The following SWSAP1 variants were observed in gnomAD, a reference collection of about 807,000 sequenced individuals.
SWSAP1 encodes ATPase SWSAP1.
Under a neutral mutation model 5.6 loss-of-function variants are expected in SWSAP1, and 4 were observed. The observed-to-expected ratio is 0.72, with a 90% CI of 0.35 to 1.64. SWSAP1 has a LOEUF of 1.64. Ranked by LOEUF, SWSAP1 falls within the 40% of genes most tolerant of loss-of-function variation. The probability of loss-of-function intolerance (pLI) is 0.05; values close to 1 mark genes in which losing one functional copy is unlikely to be tolerated. For missense variants in SWSAP1, 354 were observed against 319.8 expected, an observed-to-expected ratio of 1.11 and a Z score of -0.82; for synonymous variants, 139 against 143.3, an observed-to-expected ratio of 0.97 and a Z score of 0.22.
Position 11,374,673 on chromosome 19 carries a change from C to G in SWSAP1, c.-8C>G, listed in dbSNP as rs1458045298. On this transcript the variant is annotated 5_prime_UTR_variant, in exon 1 of 2. Transcript: ENST00000674460. ...ACGAGCCACCGATTGGTCAGAGCTA[C>G]GCGGCGAATGGCGGAGACGCTGAGG... 1 of 1,505,618 alleles carries G rather than the reference C, an allele frequency of 6.6e-7. No individual in the cohort carries two copies. The allele number at this position is 1,505,618 out of a possible 1,614,324, so 93.3% of individuals were successfully genotyped here.
At position 11,376,082 on chromosome 19, in the gene SWSAP1, A is replaced by G. The variant is rs1968276848; in HGVS notation, c.*66A>G. The G allele has an allele frequency of 7.2e-7, 1 of 1,392,760 alleles. No individual in the cohort carries two copies. Among genetic ancestry groups the G allele is most frequent in the South Asian group, 1.4e-5 (1 of 70,592 alleles). 86.3% of individuals were successfully genotyped at this position (1,392,760 alleles called of 1,614,324 possible). ...TGGCTGGAATACTTACCTCAGGGAC[A>G]TATGCAGATCCAAAGACCTAAACAA... On this transcript the variant is annotated 3_prime_UTR_variant, in exon 2 of 2. Coordinates refer to ENST00000674460, the MANE Select transcript of SWSAP1 (RefSeq NM_175871.4).
At chr19:11,375,378 G>T in intron 1 of SWSAP1, 135 bp from the exon 2 acceptor site, 1 of 1,441,938 alleles carries the variant, frequency 6.9e-7, no homozygotes, top group Admixed American at 2.3e-5. Flanking sequence ...AAAAACGGGC[G>T]AATATAAGAA....
Position 11,374,720 on chromosome 19 carries a change from G to A in SWSAP1, c.40G>A (p.Ala14Thr), listed in dbSNP as rs762751384. ...GAGGCGGGTGCTAACCAGGGGCGGT[G>A]CGGCCTGGTCCGGGGAGGAGAACAT... ...TLRRVLTRGG[A>T]AWSGEENMPA... Residue 14 changes from alanine (A) to threonine (T), a missense_variant, in exon 1 of 2, where the codon GCG becomes ACG. Physicochemically the swap from Ala to Thr is moderately conservative, Grantham distance 58. Coordinates refer to ENST00000674460, the MANE Select transcript of SWSAP1 (RefSeq NM_175871.4). 4.4e-6 allele frequency: 7 copies of A among 1,591,452 alleles called. No individual in the cohort carries two copies. Among genetic ancestry groups the A allele is most frequent in the East Asian group, 2.2e-5 (1 of 44,586 alleles).
chr19:11,375,868 G>C lies in SWSAP1; in HGVS notation c.605G>C (p.Arg202Pro). 5 of 1,614,132 alleles carry C rather than the reference G, an allele frequency of 3.1e-6. No homozygotes were observed. Among genetic ancestry groups the C allele is most frequent in the Non-Finnish European group, 4.2e-6 (5 of 1,180,010 alleles). Residue 202 changes from arginine to proline, a missense_variant, in exon 2 of 2, where the codon CGA becomes CCA. By Grantham distance (103) the Arg-to-Pro change is moderately radical. Coordinates refer to ENST00000674460, the MANE Select transcript of SWSAP1 (RefSeq NM_175871.4). ...DAPGPGEHGL[R>P]ACLEPGGLGP... ...CCAGGTCCAGGAGAGCACGGCCTCC[G>C]AGCCTGCCTGGAGCCAGGCGGGCTG...
intron 1 of SWSAP1, 74 bp from the exon 2 acceptor site, chr19:11,375,439 G>T: frequency 6.6e-7 from 1 of 1,525,940 alleles, no homozygotes; most frequent in Admixed American, 2.2e-5. Context: ...AAGTATGCAA[G>T]GAGGCAGGGT....
chr19:11,375,041 G>T (rs1195747782), intron 1 of SWSAP1, 112 bp downstream of exon 1: 1 of 1,411,072 alleles, frequency 7.1e-7, no homozygotes, highest in Non-Finnish European at 9.7e-7. Flanking sequence ...GCGAGCCAGG[G>T]CAGCCACGAT....
Position 11,375,722 on chromosome 19 carries a change from C to A in SWSAP1, c.459C>A (p.Gly153=). 2 of 1,614,224 alleles carry A rather than the reference C, an allele frequency of 1.2e-6. No individual in the cohort carries two copies. Among genetic ancestry groups the A allele is most frequent in the Non-Finnish European group, 1.7e-6 (2 of 1,180,042 alleles). Residue 153 remains glycine, a synonymous_variant, in exon 2 of 2, where the codon GGC becomes GGA. Coordinates refer to ENST00000674460, the MANE Select transcript of SWSAP1 (RefSeq NM_175871.4). ...AAHFSHRLGP[G]RDCGLMVALQ... Reference sequence around the variant, plus strand: ...ACTTCAGCCACCGGCTTGGGCCTGGCCGGGATTGTGGGCTCATGGTGGCCC... The same window carrying A: ...ACTTCAGCCACCGGCTTGGGCCTGGACGGGATTGTGGGCTCATGGTGGCCC...
At position 11,375,223 on chromosome 19, in the gene SWSAP1, G is replaced by T. The variant is rs534654683; in HGVS notation, c.250-290G>T. Among the ~76,000 whole-genome samples the T allele has an allele frequency of 2.6e-5, 4 of 152,288 alleles. No homozygotes were observed. In the South Asian group the frequency reaches 6.2e-4, roughly 24 times the overall value. ...CTTGGGTCCATTCTGGACCTGAGTT[G>T]GTTCCTGTTAGTGTCAAGGATGGGG... On this transcript the variant is annotated intron_variant, in intron 1 of 1. Coordinates refer to ENST00000674460, the MANE Select transcript of SWSAP1 (RefSeq NM_175871.4).
intron 1 of SWSAP1, 77 bp from the exon 2 acceptor site, chr19:11,375,436 C>A: frequency 6.6e-7 from 1 of 1,524,758 alleles, no homozygotes; most frequent in Non-Finnish European, 8.8e-7. Context: ...GGAAAGTATG[C>A]AAGGAGGCAG....
At position 11,374,718 on chromosome 19, in the gene SWSAP1, G is replaced by C; in HGVS notation, c.38G>C (p.Gly13Ala). ...ETLRRVLTRGGAAWSGEENMP... is the reference protein window; with the variant it reads ...ETLRRVLTRGAAAWSGEENMP... ...CTGAGGCGGGTGCTAACCAGGGGCG[G>C]TGCGGCCTGGTCCGGGGAGGAGAAC... Residue 13 changes from glycine (G) to alanine (A), a missense_variant, in exon 1 of 2, where the codon GGT (glycine) becomes GCT (alanine). Transcript: ENST00000674460. 1 of 1,590,312 alleles carries C rather than the reference G, an allele frequency of 6.3e-7. No homozygotes were observed. Among genetic ancestry groups the C allele is most frequent in the South Asian group, 1.1e-5 (1 of 89,908 alleles).
Position 11,375,842 on chromosome 19 carries a change from A to G in SWSAP1, c.579A>G (p.Ala193=), listed in dbSNP as rs1402118263. ...CCCAGTGCTGGCTGCAGCCAGATGC[A>G]CCAGGTCCAGGAGAGCACGGCCTCC... ...FPAQCWLQPD[A]PGPGEHGLRA... Residue 193 remains alanine, a synonymous_variant, in exon 2 of 2, where the codon GCA becomes GCG. Transcript: ENST00000674460. 6.2e-7 allele frequency: 1 copy of G among 1,614,040 alleles called. No homozygotes were observed.
intron 1 of SWSAP1, 100 bp downstream of exon 1, chr19:11,375,029 G>A: frequency 3.3e-6 from 5 of 1,498,046 alleles, no homozygotes; most frequent in Non-Finnish European, 4.5e-6. Flanking sequence ...GACGGTGGAA[G>A]AGCGAGCCAG....
chr19:11,374,992 G>A (rs1348114396), intron 1 of SWSAP1, 63 bp downstream of exon 1: 1 of 1,587,362 alleles, frequency 6.3e-7, no homozygotes, highest in Admixed American at 1.8e-5. Context: ...GGGATATTGA[G>A]TAACAGGTAG....
chr19:11,376,032 T>C lies in SWSAP1; in HGVS notation c.*16T>C. On this transcript the variant is annotated 3_prime_UTR_variant, in exon 2 of 2. Transcript: ENST00000674460. ...CCAGCCCTGAGCTTTGGTGGGTGAC[T>C]ACCTCTCTGTGCTTCAGTTTCCCAT... is the stretch of plus-strand genomic sequence containing the variant. 6.4e-7 allele frequency: 1 copy of C among 1,564,810 alleles called. No individual in the cohort carries two copies. The highest frequency in any genetic ancestry group is 1.2e-5 in the South Asian group (1 of 85,626).
rs1270982745 is a variant in SWSAP1, at chr19:11,374,783, C to G, written c.103C>G (p.Pro35Ala). The change falls in exon 1 of 2, where the codon CCA (proline) becomes GCA (alanine). Residue 35 changes from proline to alanine, a missense_variant. By Grantham distance (27) the Pro-to-Ala change is conservative. Transcript: ENST00000674460. ...AGPPLLLLGT[P>A]GSGKTALLFA... ...ACCGCCTTTGCTGCTGCTCGGTACA[C>G]CAGGATCTGGAAAAACAGCGCTGCT... is the stretch of plus-strand genomic sequence containing the variant. 6.2e-7 allele frequency: 1 copy of G among 1,613,668 alleles called. No individual in the cohort carries two copies. Among genetic ancestry groups the G allele is most frequent in the Admixed American group, 1.7e-5 (1 of 59,956 alleles).
intron 1 of SWSAP1, 69 bp from the exon 2 acceptor site, chr19:11,375,444 C>G: frequency 6.5e-7 from 1 of 1,529,018 alleles, no homozygotes; most frequent in Non-Finnish European, 8.8e-7. Flanking sequence ...TGCAAGGAGG[C>G]AGGGTTACTT....
In SWSAP1 at chr19:11,374,737, G is replaced by A. The variant is rs555355209; in HGVS notation, c.57G>A (p.Glu19=). ...GGGGCGGTGCGGCCTGGTCCGGGGAGGAGAACATGCCTGCCGCCGGACCGC... is the reference window on the plus strand; with the variant it reads ...GGGGCGGTGCGGCCTGGTCCGGGGAAGAGAACATGCCTGCCGCCGGACCGC... ...LTRGGAAWSG[E]ENMPAAGPPL... is the part of the protein sequence containing the mutation. The change falls in exon 1 of 2, where the codon GAG becomes GAA. Residue 19 remains glutamate, a synonymous_variant. Coordinates refer to ENST00000674460, the MANE Select transcript of SWSAP1 (RefSeq NM_175871.4). 1.7e-4 allele frequency: 278 copies of A among 1,607,288 alleles called. No homozygotes were observed. The South Asian group carries it at 2.9e-3, about 17-fold the overall frequency.
Position 11,374,817 on chromosome 19 carries a change from C to A in SWSAP1, c.137C>A (p.Ala46Glu). The change falls in exon 1 of 2, where the codon GCG becomes GAG. Residue 46 changes from alanine to glutamate, a missense_variant. Transcript: ENST00000674460. The stretch of plus-strand genomic sequence containing the variant: ...GGAAAAACAGCGCTGCTATTTGCTG[C>A]GGCCCTAGAGGCGGCGGGGGAGGGC... ...GSGKTALLFAAALEAAGEGQG... is the reference protein window; with the variant it reads ...GSGKTALLFAEALEAAGEGQG... 1 of 1,613,678 alleles carries A rather than the reference C, an allele frequency of 6.2e-7. No homozygotes were observed. The highest frequency in any genetic ancestry group is 8.5e-7 in the Non-Finnish European group (1 of 1,179,886).
Position 11,375,631 on chromosome 19 carries a change from T to C in SWSAP1, c.368T>C (p.Leu123Pro), listed in dbSNP as rs1317576566. ...CTGCTCGACGGCCTAGAAGAGTACC[T>C]AGCGGAAGACCCAGAGCCCCAGGAA... The part of the protein sequence containing the change: ...LLLLDGLEEY[L>P]AEDPEPQEAA... The change falls in exon 2 of 2, where the codon CTA (leucine) becomes CCA (proline). Residue 123 changes from leucine (L) to proline (P), a missense_variant. Leu to Pro is a moderately conservative substitution (Grantham distance 98). Coordinates refer to ENST00000674460, the MANE Select transcript of SWSAP1 (RefSeq NM_175871.4). The C allele has an allele frequency of 2.5e-6, 4 of 1,614,142 alleles. No individual in the cohort carries two copies. The highest frequency in any genetic ancestry group is 3.4e-6 in the Non-Finnish European group (4 of 1,180,028).
Sources: gnomAD v4.1 joint callset for allele counts (sites outside exome capture counted in the v4.1 genomes callset) on GRCh38, gnomAD v4.1.1 for gene constraint, MANE v1.5 for transcripts, NCBI Gene and HGNC (gene_info 2026-07-23, HGNC 2026-07-21) for gene names.